The following KCNK10 variants were observed in gnomAD, a reference collection of about 807,000 sequenced individuals.
KCNK10 encodes the protein potassium channel subfamily K member 10.
Under a neutral mutation model 47.7 loss-of-function variants are expected in KCNK10, and 25 were observed. The observed-to-expected ratio is 0.52, with a 90% CI of 0.38 to 0.73. The LOEUF (loss-of-function observed/expected upper bound fraction) is 0.73. Among genes scored for constraint, KCNK10 ranks in the 30% least tolerant of loss-of-function variants. The pLI, the probability that KCNK10 is intolerant of heterozygous loss-of-function variation, is 0.00. For synonymous variants in KCNK10, 303 were observed against 285.6 expected (o/e 1.06, Z -0.61); for missense variants, 563 against 714.5 (o/e 0.79, Z 2.42).
intron 4 of KCNK10, among the ~76,000 whole-genome samples, chr14:88,208,072 G>C (rs572427811): frequency 1.3e-5 from 2 of 152,140 alleles, no homozygotes; most frequent in South Asian, 2.1e-4. Context: ...GATCACCAAG[G>C]CTCTTACTTT....
At chr14:88,200,770 C>T (rs1365840672) in intron 4 of KCNK10, among the ~76,000 whole-genome samples, 5 of 152,174 alleles carry the variant, frequency 3.3e-5, no homozygotes, top group Admixed American at 3.3e-4. Context: ...CTAACTTCAC[C>T]GGTGAGTAAA....
At chr14:88,203,221 G>A (rs1410316825) in intron 4 of KCNK10, among the ~76,000 whole-genome samples, 2 of 152,126 alleles carry the variant, frequency 1.3e-5, no homozygotes, top group Non-Finnish European at 2.9e-5. Flanking sequence ...CACAGCAGTG[G>A]CTTCCTCCGG....
chr14:88,240,867 A>ATT (rs369769888), intron 2 of KCNK10, 47 bp from the exon 3 acceptor site: 23 of 1,057,828 alleles, frequency 2.2e-5, no homozygotes, highest in South Asian at 4.8e-5. Context: ...AAAGTTGTTT[A>ATT]TTTTTTTTTT....
chr14:88,220,192 C>A lies in KCNK10; in HGVS notation c.681+7183G>T, dbSNP rs929609004. Among the ~76,000 whole-genome samples, 5 of 151,632 alleles carry A rather than the reference C, an allele frequency of 3.3e-5. No individual in the cohort carries two copies. The East Asian group carries it at 7.8e-4, about 24-fold the overall frequency. The stretch of plus-strand genomic sequence containing the variant: ...CAGCACTTTGGGAGGCCGAGGCGGG[C>A]GGATCACGAGGTCAGAAGATCGAGA... On this transcript the variant is annotated intron_variant, in intron 4 of 6. Coordinates refer to ENST00000319231, the MANE Select transcript of KCNK10 (RefSeq NM_138317.3).
intron 3 of KCNK10, 45 bp downstream of exon 3, chr14:88,240,658 C>A: frequency 7.8e-7 from 1 of 1,287,072 alleles, no homozygotes; most frequent in South Asian, 1.2e-5. Flanking sequence ...CGCCCTTACT[C>A]AAGATGACCT....
chr14:88,221,130 C>T (rs1238327589), intron 4 of KCNK10, among the ~76,000 whole-genome samples: 1 of 151,662 alleles, frequency 6.6e-6, no homozygotes, highest in Non-Finnish European at 1.5e-5. Context: ...AGTGAAACCC[C>T]ATCTCTACTA....
At chr14:88,205,705 C>T (rs77771897) in intron 4 of KCNK10, among the ~76,000 whole-genome samples, 7,255 of 151,904 alleles carry the variant, frequency 0.048, 426 homozygotes, top group East Asian at 0.23. Context: ...CCACCATGCC[C>T]AGCTAATTTT....
chr14:88,311,120 C>T (rs1888320009), intron 1 of KCNK10, among the ~76,000 whole-genome samples: 1 of 151,922 alleles, frequency 6.6e-6, no homozygotes, highest in African/African-American at 2.4e-5. Flanking sequence ...AAGCTTTTTT[C>T]TGTTAAAATA....
At chr14:88,224,248 T>C (rs1419989808) in intron 4 of KCNK10, among the ~76,000 whole-genome samples, 3 of 152,200 alleles carry the variant, frequency 2.0e-5, no homozygotes, top group East Asian at 1.9e-4. Context: ...ATAGAAAAAC[T>C]AATGCAGCAG....
At position 88,183,263 on chromosome 14, in the gene KCNK10, T is replaced by A. The variant is rs1267435237; in HGVS notation, c.*2272A>T. On this transcript the variant is annotated 3_prime_UTR_variant, in exon 7 of 7. Transcript: ENST00000319231. ...ATAGTGTCGTGAAGTTTCAATGAGC[T>A]GACGTTCATAAAGTGCCTAATCCTG... is the stretch of plus-strand genomic sequence containing the variant. The A allele has an allele frequency of 1.3e-5, 2 of 152,278 alleles. No individual in the cohort carries two copies. Among genetic ancestry groups the A allele is most frequent in the African/African-American group, 2.4e-5 (1 of 41,474 alleles). 9.4% of individuals were successfully genotyped at this position (152,278 alleles called of 1,614,324 possible).
At chr14:88,295,369 C>T (rs1021552440) in intron 1 of KCNK10, among the ~76,000 whole-genome samples, 3 of 152,186 alleles carry the variant, frequency 2.0e-5, no homozygotes, top group African/African-American at 7.2e-5. Flanking sequence ...CAAACCCAAA[C>T]ATTTTAAATT....
Position 88,209,980 on chromosome 14 carries a change from G to A in KCNK10, c.681+17395C>T, listed in dbSNP as rs568174993. 6.6e-5 allele frequency among the ~76,000 whole-genome samples: 10 copies of A among 152,316 alleles called. No homozygotes were observed. The South Asian group carries it at 1.9e-3, about 28-fold the overall frequency. On this transcript the variant is annotated intron_variant, in intron 4 of 6. Coordinates refer to ENST00000319231, the MANE Select transcript of KCNK10 (RefSeq NM_138317.3). ...AACAATCCATTGGCAAGACAAGGCA[G>A]GTGCTTGTGTGATGTGAAATATACA...
At chr14:88,275,272 C>T (rs764079102) in intron 1 of KCNK10, among the ~76,000 whole-genome samples, 1 of 151,750 alleles carries the variant, frequency 6.6e-6, no homozygotes, top group Non-Finnish European at 1.5e-5. Flanking sequence ...TCCTACTCTT[C>T]CCCGTGGCCA....
Position 88,322,740 on chromosome 14 carries a change from C to G in KCNK10, c.52+7G>C. On this transcript the variant is annotated splice_region_variant and intron_variant, in intron 1 of 6. Transcript: ENST00000319231. The surrounding 1 kb of genome is among the most constrained non-coding windows in gnomAD (Gnocchi z 4.8). ...GGCGAGGGCAGCCAAAAGTAGGAAA[C>G]ACCCACCTTTAGGATCCCAGTTCAC... 6.2e-7 allele frequency: 1 copy of G among 1,614,142 alleles called. No individual in the cohort carries two copies. The highest frequency in any genetic ancestry group is 2.2e-5 in the East Asian group (1 of 44,858).
intron 4 of KCNK10, among the ~76,000 whole-genome samples, chr14:88,210,338 G>C (rs1885413182): frequency 6.6e-6 from 1 of 152,178 alleles, no homozygotes; most frequent in East Asian, 1.9e-4. Context: ...TTAAGAGAAA[G>C]GACTATCCCT....
At chr14:88,290,049 C>A (rs1214219258) in intron 1 of KCNK10, among the ~76,000 whole-genome samples, 1 of 152,188 alleles carries the variant, frequency 6.6e-6, no homozygotes, top group Non-Finnish European at 1.5e-5. Flanking sequence ...TTCGGTCCCC[C>A]AAAGATGTCC....
At chr14:88,250,033 T>C (rs948482585) in intron 2 of KCNK10, among the ~76,000 whole-genome samples, 5 of 152,172 alleles carry the variant, frequency 3.3e-5, no homozygotes, top group South Asian at 4.1e-4. Context: ...AGCCACACTC[T>C]AAAGGAGAAC....
chr14:88,326,422 A>G (rs200920969), upstream of KCNK10: 6 of 1,613,264 alleles, frequency 3.7e-6, no homozygotes, highest in East Asian at 6.7e-5. Context: ...CACTTACCCA[A>G]GGAAAGAAAG....
intron 1 of KCNK10, among the ~76,000 whole-genome samples, chr14:88,267,830 G>A (rs1887303413): frequency 6.6e-6 from 1 of 152,210 alleles, no homozygotes; most frequent in African/African-American, 2.4e-5. Flanking sequence ...GCCAGATGGT[G>A]ATGAGGATGG....
Sources: gnomAD v4.1 joint callset for allele counts (sites outside exome capture counted in the v4.1 genomes callset) on GRCh38, gnomAD v4.1.1 for gene constraint, Gnocchi (gnomAD v3.1) non-coding constraint, MANE v1.5 for transcripts, NCBI Gene and HGNC (gene_info 2026-07-23, HGNC 2026-07-21) for gene names.